Variants in AKAP13 observed in about 807,000 individuals in gnomAD.
AKAP13 encodes A-kinase anchoring protein 13.
A neutral mutation model predicts 264.5 loss-of-function variants in AKAP13; 80 were observed. The observed-to-expected ratio is 0.30, with a 90% CI of 0.25 to 0.36. The LOEUF (loss-of-function observed/expected upper bound fraction) is 0.36. AKAP13 is among the 10% of genes least tolerant of loss of function. AKAP13 has a pLI of 1.00. For missense variants in AKAP13, 3,712 were observed against 3,435.2 expected, an observed-to-expected ratio of 1.08 and a Z score of -2.01; for synonymous variants, 1,380 against 1,250.2, an observed-to-expected ratio of 1.10 and a Z score of -2.19.
At chr15:85,628,013 T>C (rs2081511004) in intron 8 of AKAP13, among the ~76,000 whole-genome samples, 2 of 152,262 alleles carry the variant, frequency 1.3e-5, no homozygotes, top group Admixed American at 1.3e-4. Context: ...ATTTTCATGC[T>C]GGGGACTTTC....
chr15:85,593,808 C>T (rs773969924), intron 8 of AKAP13, among the ~76,000 whole-genome samples: 1 of 151,890 alleles, frequency 6.6e-6, no homozygotes, highest in African/African-American at 2.4e-5. Context: ...TTTGTTCATT[C>T]GTATTATATT....
intron 1 of AKAP13, among the ~76,000 whole-genome samples, chr15:85,391,289 A>G (rs1449795173): frequency 6.6e-6 from 1 of 152,158 alleles, no homozygotes; most frequent in African/African-American, 2.4e-5. Context: ...TCTATTTTCC[A>G]TTTGTAGTCT....
intron 9 of AKAP13, among the ~76,000 whole-genome samples, chr15:85,640,242 G>A (rs536012170): frequency 3.9e-5 from 6 of 152,158 alleles, no homozygotes; most frequent in Non-Finnish European, 8.8e-5. Flanking sequence ...CCCTGTGCCT[G>A]TTCTACGACT....
rs112106844 is a variant in AKAP13 at position 85,504,127 on chromosome 15, T to G, written c.34-17301T>G. Among the ~76,000 whole-genome samples the G allele has an allele frequency of 6.1e-4, 93 of 152,168 alleles. 1 individual carries two copies. Among genetic ancestry groups the G allele is most frequent in the African/African-American group, 1.9e-3 (77 of 41,498 alleles). On this transcript the variant is annotated intron_variant, in intron 2 of 36. Coordinates refer to ENST00000394518, the MANE Select transcript of AKAP13 (RefSeq NM_007200.5). ...TGACTTTGGAGAAAAACAAGAGAAC[T>G]GAGGATAATAAATAACCAAGAAAGC... is the stretch of plus-strand genomic sequence containing the variant.
intron 3 of AKAP13, among the ~76,000 whole-genome samples, chr15:85,529,164 G>T (rs2077172713): frequency 6.6e-6 from 1 of 152,296 alleles, no homozygotes; most frequent in South Asian, 2.1e-4. Flanking sequence ...GGTGTAAGGT[G>T]TAATCCCAGC....
chr15:85,560,335 G>T (rs1445617228), intron 5 of AKAP13, among the ~76,000 whole-genome samples: 1 of 151,760 alleles, frequency 6.6e-6, no homozygotes, highest in Non-Finnish European at 1.5e-5. Context: ...AAAGAGTGGG[G>T]GTGGTCTCCC....
chr15:85,723,464 C>A, intron 26 of AKAP13, 144 bp downstream of exon 26: 1 of 1,161,382 alleles, frequency 8.6e-7, no homozygotes, highest in Non-Finnish European at 1.2e-6. Context: ...GCATTTAGTT[C>A]TTCGTAATCT....
At chr15:85,475,787 G>T (rs756492687) in intron 1 of AKAP13, among the ~76,000 whole-genome samples, 1 of 152,138 alleles carries the variant, frequency 6.6e-6, no homozygotes. Context: ...TGTACTTATA[G>T]CTATAACTGT....
chr15:85,508,144 T>G (rs1021680949), intron 2 of AKAP13, among the ~76,000 whole-genome samples: 6 of 145,784 alleles, frequency 4.1e-5, no homozygotes, highest in African/African-American at 1.2e-4. Context: ...TTTGTGTAAT[T>G]TTTTTTTTTT....
At chr15:85,553,196 C>T (rs1215081593) in intron 5 of AKAP13, among the ~76,000 whole-genome samples, 1 of 149,808 alleles carries the variant, frequency 6.7e-6, no homozygotes, top group African/African-American at 2.5e-5. Context: ...AAACAATTCT[C>T]CTGCCTTGGC....
rs1025248702 is a variant in AKAP13 at position 85,511,936 on chromosome 15, C to A, written c.34-9492C>A. Among the ~76,000 whole-genome samples, 3 of 152,016 alleles carry A rather than the reference C, an allele frequency of 2.0e-5. No individual in the cohort carries two copies. The East Asian group carries it at 5.8e-4, about 29-fold the overall frequency. Reference sequence around the variant, plus strand: ...TCCAAATGGTTTCTTTGTCTCTATTCTTTTTCCTTCTTAGGACGTGACTGT... The same window carrying A: ...TCCAAATGGTTTCTTTGTCTCTATTATTTTTCCTTCTTAGGACGTGACTGT... On this transcript the variant is annotated intron_variant, in intron 2 of 36. Transcript: ENST00000394518.
intron 5 of AKAP13, among the ~76,000 whole-genome samples, chr15:85,554,058 C>T (rs1374735802): frequency 6.6e-6 from 1 of 152,082 alleles, no homozygotes; most frequent in African/African-American, 2.4e-5. Context: ...TTACATAGTA[C>T]TCTTTATTTT....
At chr15:85,490,340 T>G (rs2151069269) in intron 2 of AKAP13, among the ~76,000 whole-genome samples, 1 of 152,244 alleles carries the variant, frequency 6.6e-6, no homozygotes, top group Admixed American at 6.5e-5. Flanking sequence ...AAGAAGGAGA[T>G]GATGATCTTG....
chr15:85,550,434 T>C (rs968256016), intron 5 of AKAP13, among the ~76,000 whole-genome samples: 5 of 152,228 alleles, frequency 3.3e-5, no homozygotes, highest in Non-Finnish European at 7.3e-5. Context: ...TCAAAGGGTT[T>C]GTGCCTGTAA....
chr15:85,434,557 AC>A (rs1225178278), intron 1 of AKAP13, among the ~76,000 whole-genome samples: 1 of 151,984 alleles, frequency 6.6e-6, no homozygotes, highest in African/African-American at 2.4e-5. Context: ...ACCTCTGCAG[AC>A]TTAAGTGTCC....
intron 14 of AKAP13, chr15:85,670,846 G>A (rs987586823): frequency 1.3e-5 from 2 of 152,176 alleles, no homozygotes; most frequent in African/African-American, 4.8e-5. Context: ...TGGAAGTTAT[G>A]TAGAGATGTC....
At chr15:85,387,540 G>A (rs2070635892) in intron 1 of AKAP13, among the ~76,000 whole-genome samples, 3 of 152,068 alleles carry the variant, frequency 2.0e-5, no homozygotes, top group African/African-American at 2.4e-5. Context: ...GCCCAGGCTG[G>A]CCTCAAACTC....
chr15:85,448,462 T>C (rs1436193753), intron 1 of AKAP13, among the ~76,000 whole-genome samples: 1 of 152,176 alleles, frequency 6.6e-6, no homozygotes, highest in Non-Finnish European at 1.5e-5. Context: ...CAGGATGATA[T>C]CACCTAGGTT....
At chr15:85,601,011 A>G (rs1033751105) in intron 8 of AKAP13, among the ~76,000 whole-genome samples, 4 of 152,228 alleles carry the variant, frequency 2.6e-5, no homozygotes, top group Non-Finnish European at 5.9e-5. Context: ...CCTTTGCTAC[A>G]CTATATTTCT....
Sources: gnomAD v4.1 joint callset for allele counts (sites outside exome capture counted in the v4.1 genomes callset) on GRCh38, gnomAD v4.1.1 for gene constraint, MANE v1.5 for transcripts, NCBI Gene and HGNC (gene_info 2026-07-23, HGNC 2026-07-21) for gene names.